TGFBR3: variants seen among roughly 807,000 people sequenced by gnomAD.
TGFBR3 encodes transforming growth factor beta receptor 3.
TGFBR3 carries 46 observed loss-of-function variants against 87.9 expected under a neutral mutation model. The ratio of observed to expected loss-of-function variants is 0.52; its 90% CI spans 0.41 to 0.67. The LOEUF is 0.67. Ranked by LOEUF, TGFBR3 falls within the 30% of genes least tolerant of loss-of-function variation. TGFBR3 has a pLI of 0.00. For missense variants in TGFBR3, 866 were observed against 1,041.9 expected (o/e 0.83, Z 2.32); for synonymous variants, 381 against 391.6 (o/e 0.97, Z 0.32).
In TGFBR3 at chr1:91,850,780, CAAAA is replaced by C. The variant is rs61025683; in HGVS notation, c.61+10687_61+10690del. Among the ~76,000 whole-genome samples the C allele has an allele frequency of 8.2e-3, 481 of 58,404 alleles. 8 individuals carry two copies. The highest frequency in any genetic ancestry group is 0.02 in the African/African-American group (372 of 18,570). 38.3% of individuals were successfully genotyped at this position (58,404 alleles called of 152,430 possible). A position where few individuals can be genotyped will look rare whatever the true frequency, so the allele number is the denominator to read the frequency against. ...TGGGTGACAGAGCAAGACCCTGTCT[CAAAA>C]AAAAAAAAAAAAAAAAAAAAAATGC... On this transcript the variant is annotated intron_variant, in intron 2 of 16. Transcript: ENST00000212355.
intron 6 of TGFBR3, among the ~76,000 whole-genome samples, chr1:91,728,594 A>C (rs1453566821): frequency 1.3e-5 from 2 of 152,150 alleles, no homozygotes; most frequent in Non-Finnish European, 2.9e-5. Context: ...TAAAGCATAA[A>C]ATGCATGGTA....
chr1:91,686,006 A>T (rs1671079884), intron 16 of TGFBR3, among the ~76,000 whole-genome samples: 1 of 152,190 alleles, frequency 6.6e-6, no homozygotes, highest in South Asian at 2.1e-4. Context: ...GATACATCTG[A>T]AAAGCAGGAG....
At chr1:91,791,952 C>T (rs1031514745) in intron 3 of TGFBR3, among the ~76,000 whole-genome samples, 1 of 152,188 alleles carries the variant, frequency 6.6e-6, no homozygotes, top group Admixed American at 6.5e-5. Flanking sequence ...GCAAGTCGAG[C>T]AGTTAGCACT....
At chr1:91,860,136 C>A (rs1379077859) in intron 2 of TGFBR3, among the ~76,000 whole-genome samples, 1 of 152,212 alleles carries the variant, frequency 6.6e-6, no homozygotes, top group Middle Eastern at 3.2e-3. Flanking sequence ...TTTCCAGCTA[C>A]ATGACACTAC....
At chr1:91,785,288 T>C (rs1384913878) in intron 3 of TGFBR3, among the ~76,000 whole-genome samples, 1 of 152,192 alleles carries the variant, frequency 6.6e-6, no homozygotes, top group African/African-American at 2.4e-5. Flanking sequence ...ATCTAGAAAG[T>C]AGATTAGTGG....
intron 5 of TGFBR3, among the ~76,000 whole-genome samples, chr1:91,733,718 T>C (rs1010664833): frequency 1.3e-5 from 2 of 152,084 alleles, no homozygotes; most frequent in African/African-American, 4.8e-5. Context: ...GTTCCAAATA[T>C]ACTCAACTGA....
chr1:91,723,698 C>A (rs1672454327), intron 7 of TGFBR3, among the ~76,000 whole-genome samples: 1 of 152,096 alleles, frequency 6.6e-6, no homozygotes, highest in South Asian at 2.1e-4. Flanking sequence ...GCAGAGGGGA[C>A]CCCAAAGGGA....
At chr1:91,698,901 C>T (rs1456343269) in intron 14 of TGFBR3, among the ~76,000 whole-genome samples, 1 of 152,192 alleles carries the variant, frequency 6.6e-6, no homozygotes, top group Non-Finnish European at 1.5e-5. Flanking sequence ...AACTCCCCTT[C>T]ATTGCTCATC....
chr1:91,738,834 G>C (rs1243813306), intron 4 of TGFBR3, among the ~76,000 whole-genome samples: 1 of 152,194 alleles, frequency 6.6e-6, no homozygotes, highest in Non-Finnish European at 1.5e-5. Context: ...ACACAGTGGA[G>C]AATATGACAG....
intron 7 of TGFBR3, among the ~76,000 whole-genome samples, chr1:91,726,351 G>A (rs1005745652): frequency 5.9e-5 from 9 of 152,008 alleles, no homozygotes; most frequent in Admixed American, 2.0e-4. Flanking sequence ...ACATTTGGCC[G>A]GTGTGCCAGG....
chr1:91,785,437 A>C (rs964878109), intron 3 of TGFBR3, among the ~76,000 whole-genome samples: 1 of 152,230 alleles, frequency 6.6e-6, no homozygotes, highest in Non-Finnish European at 1.5e-5. Context: ...ACATTTCTAT[A>C]AATATACTAA....
At chr1:91,684,781 C>T (rs1358167429) in intron 16 of TGFBR3, among the ~76,000 whole-genome samples, 4 of 152,152 alleles carry the variant, frequency 2.6e-5, no homozygotes, top group Non-Finnish European at 5.9e-5. Context: ...GCGATCAGGG[C>T]TCTCCAATAA....
chr1:91,786,254 T>C (rs1674955696), intron 3 of TGFBR3: 4 of 456,102 alleles, frequency 8.8e-6, no homozygotes, highest in South Asian at 3.1e-5. Flanking sequence ...AAATTCATTA[T>C]GAGAGCATTA....
chr1:91,820,955 G>A (rs1676426884), intron 2 of TGFBR3, among the ~76,000 whole-genome samples: 1 of 152,148 alleles, frequency 6.6e-6, no homozygotes, highest in South Asian at 2.1e-4. Flanking sequence ...GAGACGGGTT[G>A]GAGACACGAG....
chr1:91,783,719 CA>C (rs1392048824), intron 3 of TGFBR3, among the ~76,000 whole-genome samples: 1 of 151,986 alleles, frequency 6.6e-6, no homozygotes, highest in Non-Finnish European at 1.5e-5. Flanking sequence ...CCAGAGTAAA[CA>C]AAGGAAAAAG....
chr1:91,686,489 A>T (rs941924799), intron 16 of TGFBR3, among the ~76,000 whole-genome samples: 2 of 152,260 alleles, frequency 1.3e-5, no homozygotes, highest in Non-Finnish European at 2.9e-5. Flanking sequence ...CTGCTGGGAA[A>T]TATTGAAAGT....
At chr1:91,800,318 A>ACG (rs1675565030) in intron 2 of TGFBR3, among the ~76,000 whole-genome samples, 1 of 128,266 alleles carries the variant, frequency 7.8e-6, no homozygotes, top group African/African-American at 3.2e-5. Context: ...ATATATGTAT[A>ACG]TATATGTGTA....
chr1:91,861,137 C>T (rs1557749751), intron 2 of TGFBR3, among the ~76,000 whole-genome samples: 2 of 151,974 alleles, frequency 1.3e-5, no homozygotes, highest in Non-Finnish European at 2.9e-5. Context: ...CACAGTGGCA[C>T]ATACCTGTAA....
intron 15 of TGFBR3, among the ~76,000 whole-genome samples, chr1:91,697,842 C>T (rs1671483849): frequency 6.6e-6 from 1 of 151,780 alleles, no homozygotes; most frequent in African/African-American, 2.4e-5. Flanking sequence ...TCAAGCCATA[C>T]ATGCCAATGG....
Sources: gnomAD v4.1 joint callset for allele counts (sites outside exome capture counted in the v4.1 genomes callset) on GRCh38, gnomAD v4.1.1 for gene constraint, MANE v1.5 for transcripts, NCBI Gene and HGNC (gene_info 2026-07-23, HGNC 2026-07-21) for gene names.